Variants in LRRC7 observed in about 807,000 individuals in gnomAD.
LRRC7 encodes the protein leucine-rich repeat-containing protein 7.
A neutral mutation model predicts 175.7 loss-of-function variants in LRRC7; 23 were observed. The ratio of observed to expected loss-of-function variants is 0.13; its 90% CI spans 0.09 to 0.19. LRRC7 has a LOEUF of 0.19. Ranked by LOEUF, LRRC7 falls within the 10% of genes least tolerant of loss-of-function variation. The pLI is 1.00. For synonymous variants in LRRC7, 685 were observed against 680.9 expected (o/e 1.01, Z -0.09); for missense variants, 1,354 against 1,904.7 (o/e 0.71, Z 5.38).
At chr1:69,654,502 A>G (rs1293459713) in intron 1 of LRRC7, among the ~76,000 whole-genome samples, 1 of 152,076 alleles carries the variant, frequency 6.6e-6, no homozygotes, top group African/African-American at 2.4e-5. Context: ...ACAAGTCATG[A>G]TAACCCTTAT....
intron 4 of LRRC7, among the ~76,000 whole-genome samples, chr1:69,811,006 A>G (rs1677784657): frequency 1.3e-5 from 2 of 152,152 alleles, no homozygotes; most frequent in African/African-American, 2.4e-5. Context: ...ATGGGAAAAC[A>G]TTTTTGCAAT....
At chr1:69,903,409 T>A (rs1485516120) in intron 7 of LRRC7, among the ~76,000 whole-genome samples, 4 of 152,108 alleles carry the variant, frequency 2.6e-5, no homozygotes, top group African/African-American at 9.7e-5. Context: ...AGGGAAGCCA[T>A]GAAGGACTGT....
At chr1:69,621,910 C>A (rs769279138) in intron 1 of LRRC7, among the ~76,000 whole-genome samples, 6 of 152,300 alleles carry the variant, frequency 3.9e-5, no homozygotes, top group Non-Finnish European at 7.3e-5. Flanking sequence ...TGAACCATAA[C>A]CTTTCCCAAA....
intron 2 of LRRC7, among the ~76,000 whole-genome samples, chr1:69,692,827 G>A (rs765412382): frequency 1.3e-5 from 2 of 152,092 alleles, no homozygotes; most frequent in African/African-American, 2.4e-5. Flanking sequence ...GTGTCTATGC[G>A]AATGTTTTCA....
intron 1 of LRRC7, among the ~76,000 whole-genome samples, chr1:69,623,179 A>G (rs1193652800): frequency 6.6e-6 from 1 of 152,212 alleles, no homozygotes; most frequent in Non-Finnish European, 1.5e-5. Flanking sequence ...CCTTCAGGGA[A>G]ACTCCAACTC....
intron 2 of LRRC7, among the ~76,000 whole-genome samples, chr1:69,681,022 G>T (rs1306677784): frequency 6.6e-6 from 1 of 151,838 alleles, no homozygotes; most frequent in Non-Finnish European, 1.5e-5. Context: ...GGATAATAAG[G>T]CATTTTTTGA....
chr1:69,667,600 T>G (rs1658451650), intron 1 of LRRC7, among the ~76,000 whole-genome samples: 1 of 152,246 alleles, frequency 6.6e-6, no homozygotes, highest in South Asian at 2.1e-4. Context: ...AAATATATTT[T>G]GTCTGATTTA....
chr1:69,854,913 T>A (rs141716767), intron 7 of LRRC7, among the ~76,000 whole-genome samples: 2 of 152,302 alleles, frequency 1.3e-5, no homozygotes, highest in East Asian at 3.9e-4. Flanking sequence ...GGGGGGGACC[T>A]GGGCTTTAGA....
At chr1:69,754,508 T>C (rs896709198) in intron 2 of LRRC7, among the ~76,000 whole-genome samples, 1 of 151,994 alleles carries the variant, frequency 6.6e-6, no homozygotes, top group Non-Finnish European at 1.5e-5. Context: ...ATTGGTAACA[T>C]GGGAGGAGGA....
intron 4 of LRRC7, among the ~76,000 whole-genome samples, chr1:69,819,437 T>C (rs1678977428): frequency 6.6e-6 from 1 of 152,126 alleles, no homozygotes; most frequent in Non-Finnish European, 1.5e-5. Context: ...TACTTGATAT[T>C]ATTTCAGTCT....
intron 1 of LRRC7, 107 bp downstream of exon 1, chr1:69,568,748 G>T: frequency 8.1e-6 from 6 of 743,148 alleles, no homozygotes; most frequent in Non-Finnish European, 1.1e-5. Context: ...GGGGGCGGGG[G>T]TGGCAGGGCG....
intron 25 of LRRC7, among the ~76,000 whole-genome samples, chr1:70,097,595 A>C (rs1033605391): frequency 1.4e-5 from 2 of 141,230 alleles, no homozygotes; most frequent in South Asian, 2.6e-4. Context: ...ATATCTCCCA[A>C]TGCTATCCCT....
intron 8 of LRRC7, among the ~76,000 whole-genome samples, chr1:69,951,365 T>C (rs536042654): frequency 1.1e-3 from 173 of 152,190 alleles, no homozygotes; most frequent in African/African-American, 4.0e-3. Context: ...TCAACCACTG[T>C]GGAAAGCAGT....
At chr1:69,802,176 T>C (rs79699594) in intron 4 of LRRC7, among the ~76,000 whole-genome samples, 1,943 of 151,644 alleles carry the variant, frequency 0.013, 34 homozygotes, top group African/African-American at 0.044. Context: ...CATGTGCTGA[T>C]GAGAGGAATA....
intron 1 of LRRC7, among the ~76,000 whole-genome samples, chr1:69,668,735 T>C (rs1658634698): frequency 6.6e-6 from 1 of 152,220 alleles, no homozygotes; most frequent in South Asian, 2.1e-4. Flanking sequence ...TCTTCCACAA[T>C]GGTTGAAATA....
intron 1 of LRRC7, among the ~76,000 whole-genome samples, chr1:69,572,296 GAT>G: frequency 6.6e-6 from 1 of 152,116 alleles, no homozygotes; most frequent in South Asian, 2.1e-4. Context: ...TTAATATAAA[GAT>G]AGCAATTTAA....
At chr1:70,094,989 A>G in intron 25 of LRRC7, among the ~76,000 whole-genome samples, 1 of 152,214 alleles carries the variant, frequency 6.6e-6, no homozygotes, top group East Asian at 1.9e-4. Context: ...TATATTTACT[A>G]TATGAATATT....
chr1:69,717,994 GAA>G (rs1226011521), intron 2 of LRRC7, among the ~76,000 whole-genome samples: 1 of 141,038 alleles, frequency 7.1e-6, no homozygotes, highest in African/African-American at 2.6e-5. Flanking sequence ...AGGAGGGAGA[GAA>G]AGAAAGAAAA....
chr1:70,104,443 C>T (rs554274960), intron 25 of LRRC7, among the ~76,000 whole-genome samples: 4 of 152,254 alleles, frequency 2.6e-5, no homozygotes, highest in African/African-American at 9.6e-5. Context: ...GGAGATATTT[C>T]ACCTCCACAA....
Sources: gnomAD v4.1 joint callset for allele counts (sites outside exome capture counted in the v4.1 genomes callset) on GRCh38, gnomAD v4.1.1 for gene constraint, MANE v1.5 for transcripts, NCBI Gene and HGNC (gene_info 2026-07-23, HGNC 2026-07-21) for gene names.